The following SLC39A11 variants were observed in gnomAD, a reference collection of about 807,000 sequenced individuals.
SLC39A11 encodes the protein solute carrier family 39 member 11.
A neutral mutation model predicts 36.1 loss-of-function variants in SLC39A11; 33 were observed. The ratio of observed to expected loss-of-function variants is 0.91; its 90% CI spans 0.69 to 1.22. The LOEUF (loss-of-function observed/expected upper bound fraction) is 1.22. SLC39A11 is among the 50% of genes most tolerant of loss of function. The pLI is 0.00. For synonymous variants in SLC39A11, 166 were observed against 170.3 expected, an observed-to-expected ratio of 0.97 and a Z score of 0.20; for missense variants, 432 against 430.3, an observed-to-expected ratio of 1.00 and a Z score of -0.03.
intron 4 of SLC39A11, among the ~76,000 whole-genome samples, chr17:73,029,782 A>C (rs1038894263): frequency 6.6e-6 from 1 of 152,228 alleles, no homozygotes; most frequent in African/African-American, 2.4e-5. Flanking sequence ...GGGTTTCTCC[A>C]CGTTACCCAG....
At chr17:73,086,115 T>C (rs1018762995) in intron 2 of SLC39A11, among the ~76,000 whole-genome samples, 3 of 151,888 alleles carry the variant, frequency 2.0e-5, no homozygotes, top group South Asian at 2.1e-4. Context: ...GGAGTAAAGG[T>C]TGGGGATGGT....
intron 6 of SLC39A11, among the ~76,000 whole-genome samples, chr17:72,742,211 A>AAG (rs1356485837): frequency 6.6e-6 from 1 of 151,198 alleles, no homozygotes; most frequent in East Asian, 1.9e-4. Context: ...TCAAAAAAAA[A>AAG]GAGTATCCTA....
chr17:72,697,844 A>G (rs1409357143), intron 7 of SLC39A11, among the ~76,000 whole-genome samples: 1 of 151,948 alleles, frequency 6.6e-6, no homozygotes, highest in Non-Finnish European at 1.5e-5. Context: ...AGGATGAGAT[A>G]CCACACAATA....
chr17:72,794,409 T>C (rs956731708), intron 6 of SLC39A11, among the ~76,000 whole-genome samples: 20 of 152,172 alleles, frequency 1.3e-4, no homozygotes, highest in African/African-American at 4.6e-4. Flanking sequence ...GCCAATCATT[T>C]TTCTAATTGA....
At chr17:72,958,103 CAT>C (rs1430813949) in intron 4 of SLC39A11, among the ~76,000 whole-genome samples, 1 of 152,162 alleles carries the variant, frequency 6.6e-6, no homozygotes, top group Non-Finnish European at 1.5e-5. Context: ...CCAACAAAAA[CAT>C]AAAGTGGGGA....
At position 72,800,040 on chromosome 17, in the gene SLC39A11, CTT is replaced by C. The variant is rs758884059; in HGVS notation, c.601+49592_601+49593del. The stretch of plus-strand genomic sequence containing the variant: ...AAATTCCTCTCTTTGTACTGTCTCT[CTT>C]TGTTTCTCAGCCGGCCGACACTTAT... On this transcript the variant is annotated intron_variant, in intron 6 of 9. Coordinates refer to ENST00000255559, the MANE Select transcript of SLC39A11 (RefSeq NM_139177.4). Among the ~76,000 whole-genome samples the C allele has an allele frequency of 5.3e-5, 8 of 152,164 alleles. No homozygotes were observed. The East Asian group carries it at 5.8e-4, about 11-fold the overall frequency.
At chr17:72,765,564 G>A (rs2075730800) in intron 6 of SLC39A11, among the ~76,000 whole-genome samples, 2 of 152,104 alleles carry the variant, frequency 1.3e-5, no homozygotes, top group Non-Finnish European at 1.5e-5. Context: ...TTCATCTATG[G>A]CTATAAATCT....
chr17:72,970,409 G>A (rs2087351925), intron 4 of SLC39A11, among the ~76,000 whole-genome samples: 1 of 152,316 alleles, frequency 6.6e-6, no homozygotes, highest in South Asian at 2.1e-4. Context: ...GCAACGCTCT[G>A]CAACCAGCCA....
intron 4 of SLC39A11, among the ~76,000 whole-genome samples, chr17:72,954,436 C>T (rs1391718414): frequency 1.3e-5 from 2 of 152,222 alleles, no homozygotes; most frequent in African/African-American, 4.8e-5. Context: ...GAAAAGGGTA[C>T]AGGGATCTCA....
At chr17:72,850,176 T>C (rs1390854146) in intron 5 of SLC39A11, among the ~76,000 whole-genome samples, 1 of 152,208 alleles carries the variant, frequency 6.6e-6, no homozygotes, top group Non-Finnish European at 1.5e-5. Flanking sequence ...AGGCTGAGCA[T>C]GGTCACTCAC....
intron 7 of SLC39A11, among the ~76,000 whole-genome samples, chr17:72,701,229 G>A (rs2072601682): frequency 1.3e-5 from 2 of 152,302 alleles, no homozygotes; most frequent in East Asian, 1.9e-4. Flanking sequence ...CTGGAATTTC[G>A]CCTGAAGAGA....
At chr17:72,684,837 TC>T (rs1341087593) in intron 7 of SLC39A11, among the ~76,000 whole-genome samples, 10 of 152,298 alleles carry the variant, frequency 6.6e-5, no homozygotes, top group Admixed American at 2.6e-4. Flanking sequence ...TTGTTGGTGC[TC>T]TGTGTGGGTG....
At chr17:72,999,552 A>G (rs552351981) in intron 4 of SLC39A11, among the ~76,000 whole-genome samples, 56 of 152,290 alleles carry the variant, frequency 3.7e-4, no homozygotes, top group African/African-American at 1.3e-3. Flanking sequence ...ATATTTGGAG[A>G]TAATTTCATA....
chr17:73,007,729 A>G (rs2090263553), intron 4 of SLC39A11, among the ~76,000 whole-genome samples: 3 of 152,304 alleles, frequency 2.0e-5, no homozygotes, highest in Admixed American at 6.5e-5. Flanking sequence ...AGTCCAAGCT[A>G]AAGGGAAAAA....
At chr17:72,789,524 G>C (rs2076633580) in intron 6 of SLC39A11, among the ~76,000 whole-genome samples, 1 of 152,136 alleles carries the variant, frequency 6.6e-6, no homozygotes, top group South Asian at 2.1e-4. Flanking sequence ...CCATCCCTGG[G>C]AACAGGCCTA....
intron 6 of SLC39A11, among the ~76,000 whole-genome samples, chr17:72,771,255 T>C (rs985221301): frequency 6.6e-6 from 1 of 151,488 alleles, no homozygotes; most frequent in Non-Finnish European, 1.5e-5. Context: ...GTGGCGGCGA[T>C]GCCTGTAATC....
chr17:72,999,833 C>G (rs577412725), intron 4 of SLC39A11, among the ~76,000 whole-genome samples: 1 of 152,252 alleles, frequency 6.6e-6, no homozygotes, highest in African/African-American at 2.4e-5. Flanking sequence ...CTCTGCCTCC[C>G]AAGTTCAAGC....
intron 4 of SLC39A11, among the ~76,000 whole-genome samples, chr17:72,991,685 C>T (rs903941069): frequency 9.2e-5 from 14 of 152,190 alleles, no homozygotes; most frequent in Non-Finnish European, 1.9e-4. Flanking sequence ...TAAATGGCTA[C>T]TTAGCCATGC....
chr17:72,926,482 G>A (rs1045167308), intron 5 of SLC39A11, among the ~76,000 whole-genome samples: 8 of 152,110 alleles, frequency 5.3e-5, no homozygotes, highest in African/African-American at 1.9e-4. Context: ...CTCTGACTTC[G>A]GAGTAATTGC....
Sources: gnomAD v4.1 joint callset for allele counts (sites outside exome capture counted in the v4.1 genomes callset) on GRCh38, gnomAD v4.1.1 for gene constraint, MANE v1.5 for transcripts, NCBI Gene and HGNC (gene_info 2026-07-23, HGNC 2026-07-21) for gene names.